Variants in GET3 observed in about 807,000 individuals in gnomAD.
GET3 encodes ATPase GET3.
In GET3, 15 loss-of-function variants were observed where a neutral mutation model predicts 32.4. The ratio of observed to expected loss-of-function variants is 0.46; its 90% confidence interval spans 0.31 to 0.71. GET3 has a LOEUF of 0.71. Ranked by LOEUF, GET3 falls within the 30% of genes least tolerant of loss-of-function variation. The pLI is 0.05. For synonymous variants in GET3, 198 were observed against 185.6 expected (o/e 1.07, Z -0.54); for missense variants, 333 against 459.0 (o/e 0.73, Z 2.51).
intron 2 of GET3, among the ~76,000 whole-genome samples, chr19:12,741,231 C>T (rs571271130): frequency 6.6e-6 from 1 of 151,688 alleles, no homozygotes; most frequent in African/African-American, 2.4e-5. Context: ...CCGAGGTGGG[C>T]GGATCACAAA....
In GET3 at chr19:12,747,678, G is replaced by C. The variant is rs1380228572; in HGVS notation, c.915+86G>C. On this transcript the variant is annotated intron_variant, in intron 6 of 6. Transcript: ENST00000357332. This position sits in a 1 kb window ranked among gnomAD's most constrained non-coding sequence, Gnocchi z 4.0. ...CTTTTGCTCCACCATCTGGCCCTCT[G>C]CCCTCTAGCCTCCTGCCCTTTGCCC... is the stretch of plus-strand genomic sequence containing the variant. 1 of 1,455,812 alleles carries C rather than the reference G, an allele frequency of 6.9e-7. No individual in the cohort carries two copies. Among genetic ancestry groups the C allele is most frequent in the Non-Finnish European group, 9.3e-7 (1 of 1,075,480 alleles). 90.2% of individuals were successfully genotyped at this position (1,455,812 alleles called of 1,614,324 possible).
upstream of GET3, chr19:12,737,180 T>G: frequency 4.8e-6 from 1 of 207,250 alleles, no homozygotes. Context: ...TACCGGAACA[T>G]AAGAGTGATT....
chr19:12,745,060 GGGTTGCAAGTGGCA>G lies in GET3; in HGVS notation c.310-304_310-291del, dbSNP rs1967743128. On this transcript the variant is annotated intron_variant, in intron 2 of 6. Transcript: ENST00000357332. This position sits in a 1 kb window ranked among gnomAD's most constrained non-coding sequence, Gnocchi z 5.0. ...CATGGCCCAGTCATGGGAGTATCTG[GGGTTGCAAGTGGCA>G]GGTTGCAAGTGGGGAGTAGCAGTGT... Among the ~76,000 whole-genome samples, 1 of 152,074 alleles carries G rather than the reference GGGTTGCAAGTGGCA, an allele frequency of 6.6e-6. No homozygotes were observed. The highest frequency in any genetic ancestry group is 2.4e-5 in the African/African-American group (1 of 41,390).
At chr19:12,746,524 G>A (rs1967774642) in intron 4 of GET3, among the ~76,000 whole-genome samples, 1 of 152,208 alleles carries the variant, frequency 6.6e-6, no homozygotes, top group Non-Finnish European at 1.5e-5. Flanking sequence ...GCACGTGTGG[G>A]TGTGTGCGTG....
In GET3 at chr19:12,747,695, C is replaced by G; in HGVS notation, c.915+103C>G. On this transcript the variant is annotated intron_variant, in intron 6 of 6. Transcript: ENST00000357332. This position sits in a 1 kb window ranked among gnomAD's most constrained non-coding sequence, Gnocchi z 4.0. ...GGCCCTCTGCCCTCTAGCCTCCTGC[C>G]CTTTGCCCCCACATTTCAGATCCTT... 1 of 1,373,966 alleles carries G rather than the reference C, an allele frequency of 7.3e-7. No homozygotes were observed. The highest frequency in any genetic ancestry group is 9.9e-7 in the Non-Finnish European group (1 of 1,012,184). 85.1% of individuals were successfully genotyped at this position (1,373,966 alleles called of 1,614,324 possible).
At chr19:12,741,387 T>G (rs1252792727) in intron 2 of GET3, among the ~76,000 whole-genome samples, 1 of 143,516 alleles carries the variant, frequency 7.0e-6, no homozygotes, top group East Asian at 2.1e-4. Context: ...ACGCGGGAGG[T>G]GGAGCTTACA....
rs531447766 is a variant in GET3, at chr19:12,739,290, C to A, written c.309+632C>A. Among the ~76,000 whole-genome samples the A allele has an allele frequency of 2.0e-5, 3 of 152,288 alleles. No homozygotes were observed. The East Asian group carries it at 5.8e-4, about 29-fold the overall frequency. On this transcript the variant is annotated intron_variant, in intron 2 of 6. Coordinates refer to ENST00000357332, the MANE Select transcript of GET3 (RefSeq NM_004317.4). ...TCAAGCAATGCTCCTGCCTCAGCCTCCCGAGTAGCTGGCACTACAGGCTTG... is the reference window on the plus strand; with the variant it reads ...TCAAGCAATGCTCCTGCCTCAGCCTACCGAGTAGCTGGCACTACAGGCTTG...
chr19:12,743,788 G>A (rs1448822322), intron 2 of GET3, among the ~76,000 whole-genome samples: 3 of 124,016 alleles, frequency 2.4e-5, no homozygotes, highest in Admixed American at 8.1e-5. Context: ...GAGTGCAGTG[G>A]CGTGATCTCA....
intron 2 of GET3, among the ~76,000 whole-genome samples, chr19:12,740,063 A>G (rs1238966268): frequency 4.0e-5 from 6 of 151,452 alleles, no homozygotes; most frequent in Admixed American, 3.9e-4. Flanking sequence ...TTTTTAGTAG[A>G]GACGAGGTTT....
In GET3 at chr19:12,745,615, G is replaced by A. The variant is rs1967757304; in HGVS notation, c.465G>A (p.Val155=). Residue 155 remains valine (V), a synonymous_variant, in exon 4 of 7, where the codon GTG becomes GTA. Coordinates refer to ENST00000357332, the MANE Select transcript of GET3 (RefSeq NM_004317.4). The surrounding 1 kb of genome is among the most constrained non-coding windows in gnomAD (Gnocchi z 5.0). The part of the protein sequence containing the change: ...AMSYAEVMRL[V]KGMNFSVVVF... ...GACCCCTGTCTCCCCTCAGGCTGGT[G>A]AAGGGCATGAACTTCTCGGTGGTGG... is the stretch of plus-strand genomic sequence containing the variant. 2.5e-6 allele frequency: 4 copies of A among 1,612,758 alleles called. No individual in the cohort carries two copies. Among genetic ancestry groups the A allele is most frequent in the African/African-American group, 1.3e-5 (1 of 74,874 alleles).
chr19:12,738,466 A>C (rs751885659), intron 1 of GET3, 45 bp from the exon 2 acceptor site: 1 of 1,609,964 alleles, frequency 6.2e-7, no homozygotes, highest in South Asian at 1.1e-5. Flanking sequence ...CAGGGAACAG[A>C]GCCCATCCCC....
chr19:12,737,417 T>C (rs1967589267), upstream of GET3: 4 of 1,364,934 alleles, frequency 2.9e-6, no homozygotes, highest in Admixed American at 7.4e-5. Context: ...TAACTCATGC[T>C]CCTAGCTTCG....
rs866002591 is a variant in GET3, at chr19:12,748,283, T to C, written c.*179T>C. 1 of 529,898 alleles carries C rather than the reference T, an allele frequency of 1.9e-6. No individual in the cohort carries two copies. Among genetic ancestry groups the C allele is most frequent in the Non-Finnish European group, 3.3e-6 (1 of 306,432 alleles). The allele number at this position is 529,898 out of a possible 1,614,324, so 32.8% of individuals were successfully genotyped here. A position where few individuals can be genotyped will look rare whatever the true frequency, so the allele number is the denominator to read the frequency against. On this transcript the variant is annotated 3_prime_UTR_variant, in exon 7 of 7. Transcript: ENST00000357332. Reference sequence around the variant, plus strand: ...TGGGGAGCTGTAGTTGCCCCCTACCTCTCCCACCTCTTGCTCTTCAATAAA... The same window carrying C: ...TGGGGAGCTGTAGTTGCCCCCTACCCCTCCCACCTCTTGCTCTTCAATAAA...
chr19:12,744,820 A>G (rs904126199), intron 2 of GET3, among the ~76,000 whole-genome samples: 6 of 152,018 alleles, frequency 3.9e-5, no homozygotes, highest in Admixed American at 2.6e-4. Context: ...GTCTTGCTAT[A>G]TTGCCCAGGC....
At chr19:12,740,688 A>AAAAAT (rs368272602) in intron 2 of GET3, among the ~76,000 whole-genome samples, 3 of 152,192 alleles carry the variant, frequency 2.0e-5, no homozygotes, top group Admixed American at 2.0e-4. Flanking sequence ...AATAATAAAT[A>AAAAAT]AAAATAAAAT....
In GET3 at chr19:12,745,616, A is replaced by G. The variant is rs752461289; in HGVS notation, c.466A>G (p.Lys156Glu). Residue 156 changes from lysine (K) to glutamate (E), a missense_variant, in exon 4 of 7, where the codon AAG (lysine) becomes GAG (glutamate). Coordinates refer to ENST00000357332, the MANE Select transcript of GET3 (RefSeq NM_004317.4). This position sits in a 1 kb window ranked among gnomAD's most constrained non-coding sequence, Gnocchi z 5.0. ...MSYAEVMRLV[K>E]GMNFSVVVFD... Reference sequence around the variant, plus strand: ...ACCCCTGTCTCCCCTCAGGCTGGTGAAGGGCATGAACTTCTCGGTGGTGGT... The same window carrying G: ...ACCCCTGTCTCCCCTCAGGCTGGTGGAGGGCATGAACTTCTCGGTGGTGGT... 6.2e-7 allele frequency: 1 copy of G among 1,612,676 alleles called. No individual in the cohort carries two copies. Among genetic ancestry groups the G allele is most frequent in the Non-Finnish European group, 8.5e-7 (1 of 1,179,936 alleles).
chr19:12,746,902 C>G (rs1242757662), intron 4 of GET3, among the ~76,000 whole-genome samples: 4 of 151,336 alleles, frequency 2.6e-5, no homozygotes, highest in Admixed American at 6.6e-5. Flanking sequence ...CCCAGCTACT[C>G]AAGAGGCTGA....
intron 2 of GET3, among the ~76,000 whole-genome samples, chr19:12,738,959 A>T (rs1374095022): frequency 2.0e-5 from 3 of 152,190 alleles, no homozygotes; most frequent in Admixed American, 2.0e-4. Context: ...CCAGGTTATT[A>T]ACGGGAAGCT....
chr19:12,740,359 C>T (rs1019283197), intron 2 of GET3, among the ~76,000 whole-genome samples: 30 of 150,974 alleles, frequency 2.0e-4, no homozygotes, highest in Non-Finnish European at 2.8e-4. Flanking sequence ...CCAGCCTGGG[C>T]GACAGAGCAA....
Sources: gnomAD v4.1 joint callset for allele counts (sites outside exome capture counted in the v4.1 genomes callset) on GRCh38, gnomAD v4.1.1 for gene constraint, Gnocchi (gnomAD v3.1) non-coding constraint, MANE v1.5 for transcripts, NCBI Gene and HGNC (gene_info 2026-07-23, HGNC 2026-07-21) for gene names.